Variants in PLXDC2 observed in about 807,000 individuals in gnomAD.
PLXDC2 encodes plexin domain-containing protein 2.
In PLXDC2, 40 loss-of-function variants were observed where a neutral mutation model predicts 68.9. The ratio of observed to expected loss-of-function variants is 0.58; its 90% CI spans 0.45 to 0.76. The LOEUF is 0.76. Among genes scored for constraint, PLXDC2 ranks in the 30% least tolerant of loss-of-function variants. The pLI is 0.00. For synonymous variants in PLXDC2, 243 were observed against 234.2 expected (o/e 1.04, Z -0.34); for missense variants, 644 against 661.9 (o/e 0.97, Z 0.30).
At chr10:20,158,347 T>A (rs914904967) in intron 6 of PLXDC2, among the ~76,000 whole-genome samples, 2 of 152,004 alleles carry the variant, frequency 1.3e-5, no homozygotes, top group Admixed American at 1.3e-4. Flanking sequence ...TTGTGCTAAT[T>A]TGCCCAATAC....
chr10:20,186,041 T>A (rs1425213355), intron 9 of PLXDC2, among the ~76,000 whole-genome samples: 1 of 151,990 alleles, frequency 6.6e-6, no homozygotes, highest in East Asian at 1.9e-4. Flanking sequence ...AATATTCTGA[T>A]AGCTAAAAAT....
At chr10:20,104,610 G>C (rs539909966) in intron 4 of PLXDC2, among the ~76,000 whole-genome samples, 1 of 152,132 alleles carries the variant, frequency 6.6e-6, no homozygotes, top group East Asian at 1.9e-4. Context: ...TAATGTATTA[G>C]TTTACATAAA....
chr10:20,193,462 G>A (rs531932403), intron 9 of PLXDC2, among the ~76,000 whole-genome samples: 1 of 152,044 alleles, frequency 6.6e-6, no homozygotes, highest in Admixed American at 6.6e-5. Flanking sequence ...AGCAAGTGAG[G>A]GACCAAGTCA....
intron 1 of PLXDC2, among the ~76,000 whole-genome samples, chr10:19,922,746 A>G (rs1169355706): frequency 1.3e-5 from 2 of 152,206 alleles, no homozygotes; most frequent in Non-Finnish European, 2.9e-5. Context: ...TTCAAAAACT[A>G]AAACATGTTT....
rs559755213 is a variant in PLXDC2, at chr10:19,990,218, T to C, written c.113-11557T>C. ...AGACCATGATTTCTGTCTTAGTACT[T>C]TGTCCTGAGCATTAGTGACTATATA... is the stretch of plus-strand genomic sequence containing the variant. On this transcript the variant is annotated intron_variant, in intron 1 of 13. Transcript: ENST00000377252. Among the ~76,000 whole-genome samples, 525 of 152,292 alleles carry C rather than the reference T, an allele frequency of 3.4e-3. 3 individuals are homozygous for C. The highest frequency in any genetic ancestry group is 0.012 in the African/African-American group (493 of 41,554).
intron 3 of PLXDC2, among the ~76,000 whole-genome samples, chr10:20,067,337 A>C (rs1216539125): frequency 6.6e-6 from 1 of 152,130 alleles, no homozygotes; most frequent in Non-Finnish European, 1.5e-5. Context: ...TGTGTTTCTA[A>C]GAGTGGACAC....
intron 12 of PLXDC2, among the ~76,000 whole-genome samples, chr10:20,240,373 G>T (rs1019690721): frequency 3.3e-5 from 5 of 152,048 alleles, no homozygotes; most frequent in Admixed American, 3.3e-4. Flanking sequence ...CTTTGCTATT[G>T]TAAACAGTGC....
At chr10:19,820,826 C>T (rs1247086765) in intron 1 of PLXDC2, among the ~76,000 whole-genome samples, 1 of 152,104 alleles carries the variant, frequency 6.6e-6, no homozygotes, top group Non-Finnish European at 1.5e-5. Context: ...GCCTGTAATC[C>T]CAGCACTTTG....
At chr10:19,925,491 A>G (rs756101283) in intron 1 of PLXDC2, among the ~76,000 whole-genome samples, 2 of 152,238 alleles carry the variant, frequency 1.3e-5, no homozygotes, top group Non-Finnish European at 2.9e-5. Context: ...ATCTTTGAAA[A>G]TAAGGCCACT....
intron 1 of PLXDC2, among the ~76,000 whole-genome samples, chr10:19,928,237 T>C (rs1833571417): frequency 6.6e-6 from 1 of 152,196 alleles, no homozygotes; most frequent in South Asian, 2.1e-4. Context: ...CAATTGTGAA[T>C]TGTGCTGCAA....
chr10:20,134,182 T>A (rs924994197), intron 4 of PLXDC2, among the ~76,000 whole-genome samples: 1 of 152,230 alleles, frequency 6.6e-6, no homozygotes. Flanking sequence ...ATAATTATTT[T>A]CAATTCTTTG....
chr10:20,104,017 A>G (rs997549556), intron 4 of PLXDC2, among the ~76,000 whole-genome samples: 1 of 152,214 alleles, frequency 6.6e-6, no homozygotes, highest in Admixed American at 6.5e-5. Context: ...CAGTACCTGA[A>G]GAAAGGAGTT....
chr10:20,033,900 A>C (rs1835539542), intron 2 of PLXDC2, among the ~76,000 whole-genome samples: 1 of 152,188 alleles, frequency 6.6e-6, no homozygotes, highest in African/African-American at 2.4e-5. Flanking sequence ...TCACATGTTC[A>C]TCGTTCCTCA....
At chr10:19,992,998 C>T (rs967254570) in intron 1 of PLXDC2, among the ~76,000 whole-genome samples, 1 of 152,140 alleles carries the variant, frequency 6.6e-6, no homozygotes, top group Admixed American at 6.5e-5. Context: ...CCTCACGACT[C>T]GGCTCTGGCT....
At chr10:19,953,954 G>A (rs1368329868) in intron 1 of PLXDC2, among the ~76,000 whole-genome samples, 2 of 152,120 alleles carry the variant, frequency 1.3e-5, no homozygotes, top group East Asian at 3.9e-4. Flanking sequence ...ATTTTTGGAA[G>A]TGTGGGCGGG....
chr10:19,831,220 G>A (rs187214425), intron 1 of PLXDC2, among the ~76,000 whole-genome samples: 24 of 151,774 alleles, frequency 1.6e-4, no homozygotes, highest in African/African-American at 5.3e-4. Flanking sequence ...CTTCTCTGTT[G>A]GTTTTCTTGG....
intron 4 of PLXDC2, among the ~76,000 whole-genome samples, chr10:20,109,004 C>T (rs1390779569): frequency 6.6e-6 from 1 of 152,006 alleles, no homozygotes; most frequent in Non-Finnish European, 1.5e-5. Context: ...GAACATTTCT[C>T]CAAGGAGAAA....
At chr10:20,261,590 C>T (rs1043250186) in intron 13 of PLXDC2, among the ~76,000 whole-genome samples, 2 of 152,140 alleles carry the variant, frequency 1.3e-5, no homozygotes, top group Middle Eastern at 3.2e-3. Flanking sequence ...GGTAGTGGCT[C>T]ATGCTTGTAA....
chr10:20,218,861 A>G (rs11011879), intron 11 of PLXDC2, among the ~76,000 whole-genome samples: 68,482 of 152,030 alleles, frequency 0.45, 17,578 homozygotes, highest in Middle Eastern at 0.65. Context: ...AAATCTTGAC[A>G]TTACAATCTC....
Sources: allele counts gnomAD v4.1 joint callset (sites outside exome capture counted in the v4.1 genomes callset), GRCh38; gene constraint gnomAD v4.1.1; transcripts MANE v1.5; gene names NCBI Gene and HGNC (gene_info 2026-07-23, HGNC 2026-07-21).